The following ATCAY variants were observed in gnomAD, a reference collection of about 807,000 sequenced individuals.
The protein encoded by ATCAY is caytaxin.
Under a neutral mutation model 47.7 loss-of-function variants are expected in ATCAY, and 22 were observed. That is an observed-to-expected ratio of 0.46 (90% CI 0.33 to 0.66). The LOEUF is 0.66. ATCAY is among the 30% of genes least tolerant of loss of function. The pLI is 0.02. For missense variants in ATCAY, 452 were observed against 515.0 expected (o/e 0.88, Z 1.18); for synonymous variants, 216 against 207.6 (o/e 1.04, Z -0.35).
intron 2 of ATCAY, among the ~76,000 whole-genome samples, chr19:3,887,091 A>G (rs898398112): frequency 6.6e-6 from 1 of 151,936 alleles, no homozygotes; most frequent in African/African-American, 2.4e-5. Flanking sequence ...ATCCCAACCT[A>G]AGGATAGTGC....
intron 3 of ATCAY, 100 bp downstream of exon 3, chr19:3,902,645 C>A: frequency 2.3e-6 from 3 of 1,301,260 alleles, no homozygotes; most frequent in Non-Finnish European, 3.2e-6. Flanking sequence ...AGGCCACACA[C>A]CGTGGGTAGA....
At chr19:3,914,693 T>C (rs536918099) in intron 9 of ATCAY, among the ~76,000 whole-genome samples, 1 of 151,858 alleles carries the variant, frequency 6.6e-6, no homozygotes, top group Admixed American at 6.6e-5. Context: ...TGGTGGTGCA[T>C]GCCTGTAATC....
At chr19:3,924,443 G>A in intron 12 of ATCAY, 140 bp from the exon 13 acceptor site, 1 of 1,009,574 alleles carries the variant, frequency 9.9e-7, no homozygotes. Flanking sequence ...GCCGGGCCCT[G>A]AAGGGCATGT....
chr19:3,909,646 G>A, intron 7 of ATCAY, 29 bp downstream of exon 7: 1 of 1,555,660 alleles, frequency 6.4e-7, no homozygotes, highest in South Asian at 1.2e-5. Context: ...AGGAAGCACA[G>A]TGGGGGCATG....
chr19:3,905,662 T>G lies in ATCAY; in HGVS notation c.358+7T>G, dbSNP rs376245986. 1.9e-6 allele frequency: 3 copies of G among 1,611,532 alleles called. No homozygotes were observed. In the African/African-American group the frequency reaches 4.0e-5, roughly 22 times the overall value. ...AACGAACTGGAGTGGGAAGGTAAAG[T>G]TCAGGGTCTCTCTGGGGCCTGCTGG... On this transcript the variant is annotated splice_region_variant and intron_variant, in intron 4 of 12. Transcript: ENST00000450849.
chr19:3,885,630 CGGAGGG>C, intron 1 of ATCAY, 91 bp from the exon 2 acceptor site: 1 of 485,878 alleles, frequency 2.1e-6, no homozygotes. Context: ...GAGGGGGAGA[CGGAGGG>C]GGAGTGGGAG....
chr19:3,897,002 C>A (rs2038775382), intron 2 of ATCAY, among the ~76,000 whole-genome samples: 1 of 151,992 alleles, frequency 6.6e-6, no homozygotes, highest in Non-Finnish European at 1.5e-5. Context: ...GTCTCGAACT[C>A]CTGACCTCAG....
intron 10 of ATCAY, among the ~76,000 whole-genome samples, chr19:3,918,393 A>T (rs1396246817): frequency 6.6e-6 from 1 of 151,852 alleles, no homozygotes; most frequent in African/African-American, 2.4e-5. Context: ...TCAAAAAAAA[A>T]AAAAAATAAA....
chr19:3,902,586 T>C lies in ATCAY; in HGVS notation c.136+41T>C, dbSNP rs2038824755. On this transcript the variant is annotated intron_variant, in intron 3 of 12. Transcript: ENST00000450849. ...CACAGAAGGGCGGAAACAGGCTCAGTGTTTCCGGGTTTCAGCCCTGCCTGG... is the reference window on the plus strand; with the variant it reads ...CACAGAAGGGCGGAAACAGGCTCAGCGTTTCCGGGTTTCAGCCCTGCCTGG... 3 of 1,548,900 alleles carry C rather than the reference T, an allele frequency of 1.9e-6. No homozygotes were observed. The African/African-American group carries it at 4.1e-5, about 21-fold the overall frequency.
intron 2 of ATCAY, among the ~76,000 whole-genome samples, chr19:3,894,542 T>A (rs1438107756): frequency 2.1e-5 from 3 of 141,514 alleles, no homozygotes; most frequent in African/African-American, 7.9e-5. Flanking sequence ...TAGTCCCAGC[T>A]ACTTGAGAGG....
chr19:3,881,876 C>G (rs1190710949), intron 1 of ATCAY, among the ~76,000 whole-genome samples: 1 of 139,784 alleles, frequency 7.2e-6, no homozygotes, highest in African/African-American at 2.8e-5. Context: ...GCCCCCCCCC[C>G]GACCCCATAG....
At position 3,925,515 on chromosome 19, in the gene ATCAY, G is replaced by A. The variant is rs943243926; in HGVS notation, c.*923G>A. ...GATACAGGGTATCGGGCGTTTGAGT[G>A]TTTCAGAAGTCATTCGGGAAGATAA... On this transcript the variant is annotated 3_prime_UTR_variant, in exon 13 of 13. Coordinates refer to ENST00000450849, the MANE Select transcript of ATCAY (RefSeq NM_033064.5). The surrounding 1 kb of genome is among the most constrained non-coding windows in gnomAD (Gnocchi z 4.4). 2.0e-5 allele frequency: 3 copies of A among 152,252 alleles called. No individual in the cohort carries two copies. Among genetic ancestry groups the A allele is most frequent in the Non-Finnish European group, 4.4e-5 (3 of 68,054 alleles). 9.4% of individuals were successfully genotyped at this position (152,252 alleles called of 1,614,324 possible).
chr19:3,890,734 G>A (rs1024173583), intron 2 of ATCAY, among the ~76,000 whole-genome samples: 1 of 152,164 alleles, frequency 6.6e-6, no homozygotes, highest in Non-Finnish European at 1.5e-5. Context: ...AAGGCTTCTC[G>A]CCCACCCGCT....
At chr19:3,908,508 C>T in intron 6 of ATCAY, 138 bp downstream of exon 6, 2 of 804,726 alleles carry the variant, frequency 2.5e-6, no homozygotes, top group East Asian at 2.7e-5. Context: ...GGCCACAGAC[C>T]TTGATCTGAG....
chr19:3,915,391 G>C (rs968496327), intron 9 of ATCAY, among the ~76,000 whole-genome samples: 3 of 146,592 alleles, frequency 2.0e-5, no homozygotes, highest in Admixed American at 7.0e-5. Context: ...CTCCATGTTC[G>C]TCAAGCTGGT....
chr19:3,905,725 T>C, intron 4 of ATCAY, 70 bp downstream of exon 4: 1 of 1,408,624 alleles, frequency 7.1e-7, no homozygotes, highest in East Asian at 2.3e-5. Context: ...GTCTCTGGAT[T>C]CCCATAGGCT....
intron 3 of ATCAY, among the ~76,000 whole-genome samples, chr19:3,904,084 C>T (rs1022195839): frequency 6.6e-5 from 10 of 151,786 alleles, no homozygotes; most frequent in Admixed American, 5.3e-4. Context: ...ACCCAGGAGA[C>T]GGAGGTTGCA....
At chr19:3,902,252 G>T (rs2038821934) in intron 2 of ATCAY, among the ~76,000 whole-genome samples, 1 of 151,924 alleles carries the variant, frequency 6.6e-6, no homozygotes, top group Non-Finnish European at 1.5e-5. Flanking sequence ...AGCCCAGGAG[G>T]TTGAGGCTGC....
chr19:3,923,485 G>A (rs996122762), intron 12 of ATCAY, among the ~76,000 whole-genome samples: 1 of 150,382 alleles, frequency 6.6e-6, no homozygotes, highest in Non-Finnish European at 1.5e-5. Context: ...TTTGGATGAT[G>A]GGTGGATAGA....
Sources: allele counts gnomAD v4.1 joint callset (sites outside exome capture counted in the v4.1 genomes callset), GRCh38; gene constraint gnomAD v4.1.1; non-coding constraint Gnocchi (gnomAD v3.1); transcripts MANE v1.5; gene names NCBI Gene and HGNC (gene_info 2026-07-23, HGNC 2026-07-21).